Variants in EIF2B3 observed in about 807,000 individuals in gnomAD.
EIF2B3 encodes translation initiation factor eIF2B subunit gamma.
Under a neutral mutation model 54.1 loss-of-function variants are expected in EIF2B3, and 20 were observed. That is an observed-to-expected ratio of 0.37 (90% CI 0.26 to 0.54). EIF2B3 has a LOEUF of 0.54. Among genes scored for constraint, EIF2B3 ranks in the 20% least tolerant of loss-of-function variants. The probability of loss-of-function intolerance (pLI) is 0.86; values close to 1 mark genes in which losing one functional copy is unlikely to be tolerated. For synonymous variants in EIF2B3, 153 were observed against 188.1 expected, an observed-to-expected ratio of 0.81 and a Z score of 1.52; for missense variants, 448 against 547.8, an observed-to-expected ratio of 0.82 and a Z score of 1.82.
intron 3 of EIF2B3, among the ~76,000 whole-genome samples, chr1:44,942,113 TC>T (rs1005046369): frequency 2.0e-5 from 3 of 151,868 alleles, no homozygotes; most frequent in Non-Finnish European, 2.9e-5. Context: ...AATGCTTCAT[TC>T]TTAGGAACTT....
chr1:44,965,634 C>CTTTTTTT (rs386366856), intron 3 of EIF2B3, among the ~76,000 whole-genome samples: 16 of 102,398 alleles, frequency 1.6e-4, no homozygotes, highest in Non-Finnish European at 2.2e-4. Flanking sequence ...ACAAATGCAT[C>CTTTTTTT]TTTTTTTTTT....
chr1:44,927,690 C>A (rs1230946131), intron 4 of EIF2B3, among the ~76,000 whole-genome samples: 2 of 151,946 alleles, frequency 1.3e-5, no homozygotes, highest in African/African-American at 4.8e-5. Flanking sequence ...AAGTATGGTA[C>A]CAATGTAATT....
At chr1:44,894,847 T>C (rs1655913291) in intron 6 of EIF2B3, among the ~76,000 whole-genome samples, 1 of 152,126 alleles carries the variant, frequency 6.6e-6, no homozygotes, top group Non-Finnish European at 1.5e-5. Context: ...GCTCATTTCC[T>C]GTAAGACTAT....
chr1:44,932,612 G>C (rs890434632), intron 4 of EIF2B3, among the ~76,000 whole-genome samples: 1 of 151,860 alleles, frequency 6.6e-6, no homozygotes, highest in Admixed American at 6.6e-5. Context: ...GAAGAACTTC[G>C]GAAACAAAAA....
intron 3 of EIF2B3, chr1:44,958,599 T>C (rs771201715): frequency 2.1e-5 from 31 of 1,465,038 alleles, no homozygotes; most frequent in Admixed American, 5.0e-5. Context: ...TTATCAAAAG[T>C]GTGGCATCAA....
chr1:44,931,198 G>A (rs1643893410), intron 4 of EIF2B3, among the ~76,000 whole-genome samples: 1 of 152,192 alleles, frequency 6.6e-6, no homozygotes, highest in South Asian at 2.1e-4. Context: ...AGGCCCAAGT[G>A]ATAAAGAAAG....
chr1:44,942,400 TATATATATATATA>T (rs1644037758), intron 3 of EIF2B3, among the ~76,000 whole-genome samples: 1 of 19,314 alleles, frequency 5.2e-5, no homozygotes, highest in South Asian at 1.5e-3. Context: ...TATATATATA[TATATATATATATA>T]TATATTTTTT....
chr1:44,906,881 T>TAG (rs2148919907), intron 5 of EIF2B3, among the ~76,000 whole-genome samples: 1 of 152,330 alleles, frequency 6.6e-6, no homozygotes, highest in African/African-American at 2.4e-5. Flanking sequence ...AGTCTATATA[T>TAG]GACTTACTCC....
chr1:44,898,188 A>G (rs1385793371), intron 5 of EIF2B3, among the ~76,000 whole-genome samples: 1 of 152,154 alleles, frequency 6.6e-6, no homozygotes, highest in African/African-American at 2.4e-5. Flanking sequence ...GTAAAATTCT[A>G]TGAATAATCC....
intron 4 of EIF2B3, among the ~76,000 whole-genome samples, chr1:44,931,474 T>G (rs1643896379): frequency 6.6e-6 from 1 of 152,220 alleles, no homozygotes; most frequent in Non-Finnish European, 1.5e-5. Flanking sequence ...AATTAATTGT[T>G]AAAACACTAG....
At chr1:44,867,520 T>A (rs1258978103) in intron 10 of EIF2B3, among the ~76,000 whole-genome samples, 1 of 152,098 alleles carries the variant, frequency 6.6e-6, no homozygotes, top group Non-Finnish European at 1.5e-5. Flanking sequence ...GACAAGCACA[T>A]AACGAATATG....
At chr1:44,962,843 G>A (rs1387997740) in intron 3 of EIF2B3, among the ~76,000 whole-genome samples, 1 of 152,114 alleles carries the variant, frequency 6.6e-6, no homozygotes, top group East Asian at 1.9e-4. Flanking sequence ...TTTGTGCCAG[G>A]CCCAGATATA....
At chr1:44,953,375 T>C (rs1371431074) in intron 3 of EIF2B3, among the ~76,000 whole-genome samples, 2 of 152,178 alleles carry the variant, frequency 1.3e-5, no homozygotes, top group African/African-American at 4.8e-5. Context: ...TGTCTCACTG[T>C]CTTCATTTTC....
intron 5 of EIF2B3, among the ~76,000 whole-genome samples, chr1:44,899,586 C>A (rs537630706): frequency 3.9e-4 from 60 of 152,176 alleles, no homozygotes; most frequent in Non-Finnish European, 6.0e-4. Context: ...CTCAATATCA[C>A]TAATCATCAG....
chr1:44,866,540 T>C (rs1469764594), intron 10 of EIF2B3, among the ~76,000 whole-genome samples: 3 of 151,390 alleles, frequency 2.0e-5, no homozygotes, highest in Non-Finnish European at 4.4e-5. Context: ...GTGGGGAAAA[T>C]AGTTTATGGC....
At chr1:44,891,406 C>T (rs1337524350) in intron 6 of EIF2B3, among the ~76,000 whole-genome samples, 1 of 152,182 alleles carries the variant, frequency 6.6e-6, no homozygotes, top group African/African-American at 2.4e-5. Context: ...GGAATACAGG[C>T]ATGAGCCACC....
At chr1:44,940,893 T>C in intron 4 of EIF2B3, 1 of 147,084 alleles carries the variant, frequency 6.8e-6, no homozygotes, top group African/African-American at 2.5e-5. Flanking sequence ...TAATTCCTTT[T>C]CTCCCCCCAC....
At chr1:44,897,334 C>T (rs1223690828) in intron 6 of EIF2B3, 21 bp downstream of exon 6, 1 of 1,582,904 alleles carries the variant, frequency 6.3e-7, no homozygotes, top group Admixed American at 1.7e-5. Flanking sequence ...GTAGGTTTGA[C>T]TCTACCACCC....
At chr1:44,924,348 T>C (rs765996426) in intron 5 of EIF2B3, among the ~76,000 whole-genome samples, 5 of 152,228 alleles carry the variant, frequency 3.3e-5, no homozygotes, top group African/African-American at 4.8e-5. Context: ...TGCCATTCTT[T>C]AGCTATTTTA....
Sources: gnomAD v4.1 joint callset for allele counts (sites outside exome capture counted in the v4.1 genomes callset) on GRCh38, gnomAD v4.1.1 for gene constraint, MANE v1.5 for transcripts, NCBI Gene and HGNC (gene_info 2026-07-23, HGNC 2026-07-21) for gene names.